Variants in RNF111 observed in about 807,000 individuals in gnomAD.
RNF111 encodes ring finger protein 111.
A neutral mutation model predicts 95.1 loss-of-function variants in RNF111; 17 were observed. That is an observed-to-expected ratio of 0.18 (90% CI 0.12 to 0.27). The LOEUF (loss-of-function observed/expected upper bound fraction) is 0.27, where lower values mean the gene tolerates loss of function less well. Among genes scored for constraint, RNF111 ranks in the 10% least tolerant of loss-of-function variants. The pLI, the probability that RNF111 is intolerant of heterozygous loss-of-function variation, is 1.00. For missense variants in RNF111, 1,189 were observed against 1,210.4 expected, an observed-to-expected ratio of 0.98 and a Z score of 0.26; for synonymous variants, 440 against 414.8, an observed-to-expected ratio of 1.06 and a Z score of -0.74.
At position 59,066,824 on chromosome 15, in the gene RNF111, G is replaced by A. The variant is rs983944709; in HGVS notation, c.1427G>A (p.Arg476Lys). The change falls in exon 6 of 14, where the codon AGG becomes AAG. Residue 476 changes from arginine to lysine, a missense_variant. Physicochemically the swap from Arg to Lys is conservative, Grantham distance 26. Coordinates refer to ENST00000348370, the MANE Select transcript of RNF111 (RefSeq NM_017610.8). Reference sequence around the variant, plus strand: ...GAAACTGGCCCTCCTGCAATGCCAAGGTTACCTTCCTGCTGTCCCCAGCAC... The same window carrying A: ...GAAACTGGCCCTCCTGCAATGCCAAAGTTACCTTCCTGCTGTCCCCAGCAC... Reference protein sequence around the residue: ...VTETGPPAMPRLPSCCPQHSP... With the variant: ...VTETGPPAMPKLPSCCPQHSP... The A allele has an allele frequency of 8.7e-6, 14 of 1,613,994 alleles. No individual in the cohort carries two copies. Among genetic ancestry groups the A allele is most frequent in the Non-Finnish European group, 1.2e-5 (14 of 1,179,986 alleles).
chr15:59,084,034 T>C (rs2078826087), intron 8 of RNF111, 95 bp from the exon 9 acceptor site: 2 of 1,015,816 alleles, frequency 2.0e-6, no homozygotes, highest in African/African-American at 3.4e-5. Context: ...TAGATGTTTA[T>C]AGTATTAATA....
In RNF111 at chr15:59,081,110, C is replaced by T. The variant is rs1213587886; in HGVS notation, c.2123C>T (p.Pro708Leu). The stretch of plus-strand genomic sequence containing the variant: ...GCAACATCTCATCCTGTGGCACCCC[C>T]ACCACCAACTCACTTAGCCAGTACA... Reference protein sequence around the residue: ...SHATSHPVAPPPPTHLASTAA... With the variant: ...SHATSHPVAPLPPTHLASTAA... Residue 708 changes from proline (P) to leucine (L), a missense_variant, in exon 8 of 14, where the codon CCA (proline) becomes CTA (leucine). By Grantham distance (98) the Pro-to-Leu change is moderately conservative. Coordinates refer to ENST00000348370, the MANE Select transcript of RNF111 (RefSeq NM_017610.8). 6.2e-7 allele frequency: 1 copy of T among 1,614,000 alleles called. No individual in the cohort carries two copies. Among genetic ancestry groups the T allele is most frequent in the Non-Finnish European group, 8.5e-7 (1 of 1,180,036 alleles).
intron 2 of RNF111, among the ~76,000 whole-genome samples, chr15:59,036,977 G>A (rs2041210024): frequency 6.6e-6 from 1 of 151,856 alleles, no homozygotes. Flanking sequence ...ACAGCAGCAG[G>A]TGTGTGCAAC....
intron 5 of RNF111, among the ~76,000 whole-genome samples, chr15:59,065,414 G>C (rs945110500): frequency 2.0e-5 from 3 of 152,190 alleles, no homozygotes; most frequent in Non-Finnish European, 4.4e-5. Flanking sequence ...ATGTGGCGGA[G>C]AGCATAATCA....
rs1454581847 is a variant in RNF111, at chr15:59,081,178, A to T, written c.2191A>T (p.Ile731Phe). The change falls in exon 8 of 14, where the codon ATT becomes TTT. Residue 731 changes from isoleucine to phenylalanine, a missense_variant. Physicochemically the swap from Ile to Phe is conservative, Grantham distance 21. Transcript: ENST00000348370. Reference protein sequence around the residue: ...PQHLPPTHQPISHHIPATAPP... With the variant: ...PQHLPPTHQPFSHHIPATAPP... The stretch of plus-strand genomic sequence containing the variant: ...GCATCTTCCTCCTACACACCAGCCA[A>T]TTTCGCACCATATTCCAGCCACAGC... The T allele has an allele frequency of 6.2e-7, 1 of 1,614,046 alleles. No homozygotes were observed. The highest frequency in any genetic ancestry group is 1.1e-5 in the South Asian group (1 of 91,070).
chr15:59,066,508 G>T (rs148663219), intron 5 of RNF111, among the ~76,000 whole-genome samples: 7,615 of 152,168 alleles, frequency 0.05, 256 homozygotes, highest in Non-Finnish European at 0.077. Context: ...TACTCAGGAG[G>T]CTGAGGGAGG....
rs556890907 is a variant in RNF111 at position 59,069,266 on chromosome 15, G to T, written c.1686+2183G>T. On this transcript the variant is annotated intron_variant, in intron 6 of 13. Coordinates refer to ENST00000348370, the MANE Select transcript of RNF111 (RefSeq NM_017610.8). ...CTTGGGAACGAGGGAGCATCAAGAAGAATTTTCCAGTGGATTGAATGAAAG... is the reference window on the plus strand; with the variant it reads ...CTTGGGAACGAGGGAGCATCAAGAATAATTTTCCAGTGGATTGAATGAAAG... Among the ~76,000 whole-genome samples the T allele has an allele frequency of 7.2e-5, 11 of 152,242 alleles. 1 individual carries two copies. In the South Asian group the frequency reaches 2.1e-3, roughly 29 times the overall value.
At chr15:59,038,970 G>A (rs2041315364) in intron 2 of RNF111, among the ~76,000 whole-genome samples, 1 of 151,782 alleles carries the variant, frequency 6.6e-6, no homozygotes, top group Admixed American at 6.6e-5. Context: ...GCAAAATATT[G>A]ATTTATTTTT....
At chr15:59,085,861 C>G (rs899407205) in intron 10 of RNF111, 76 bp downstream of exon 10, 2 of 1,210,220 alleles carry the variant, frequency 1.7e-6, no homozygotes, top group Non-Finnish European at 2.3e-6. Context: ...AAATACTTCA[C>G]TATATTAATA....
At chr15:59,071,026 G>A (rs1017229354) in intron 6 of RNF111, among the ~76,000 whole-genome samples, 50 of 152,084 alleles carry the variant, frequency 3.3e-4, no homozygotes, top group African/African-American at 9.4e-4. Context: ...GGCCGGGCGC[G>A]GTGGCTCACG....
intron 1 of RNF111, among the ~76,000 whole-genome samples, chr15:59,020,751 G>T (rs190987334): frequency 3.3e-5 from 5 of 152,088 alleles, no homozygotes; most frequent in Non-Finnish European, 7.4e-5. Flanking sequence ...AATTTAGGGG[G>T]CTGAAACATC....
At chr15:59,045,272 C>A (rs887550812) in intron 2 of RNF111, among the ~76,000 whole-genome samples, 9 of 151,256 alleles carry the variant, frequency 6.0e-5, no homozygotes, top group Non-Finnish European at 1.3e-4. Context: ...CTCACTGCAA[C>A]CTCTGCCTCC....
chr15:59,046,348 C>G (rs2041708821), intron 2 of RNF111, among the ~76,000 whole-genome samples: 1 of 152,024 alleles, frequency 6.6e-6, no homozygotes, highest in Non-Finnish European at 1.5e-5. Flanking sequence ...CACATGCCAC[C>G]ACACCTGGCT....
At chr15:59,030,391 G>A (rs2040844940) in intron 1 of RNF111, among the ~76,000 whole-genome samples, 1 of 152,162 alleles carries the variant, frequency 6.6e-6, no homozygotes. Context: ...ACTTAAAAAT[G>A]TCATACCAGG....
At chr15:59,091,988 G>C (rs753996618) in intron 12 of RNF111, among the ~76,000 whole-genome samples, 17 of 152,200 alleles carry the variant, frequency 1.1e-4, no homozygotes, top group Admixed American at 2.0e-4. Flanking sequence ...ACCTCCTGCT[G>C]TGCAGCCAGG....
intron 2 of RNF111, among the ~76,000 whole-genome samples, chr15:59,036,507 G>A (rs907269315): frequency 2.0e-5 from 3 of 152,144 alleles, no homozygotes; most frequent in Admixed American, 1.3e-4. Flanking sequence ...AAGGAACTTG[G>A]CATTTATAAA....
chr15:59,090,232 G>A (rs1596315055), intron 11 of RNF111, among the ~76,000 whole-genome samples: 1 of 150,692 alleles, frequency 6.6e-6, no homozygotes, highest in Non-Finnish European at 1.5e-5. Context: ...TTGTTTGTTT[G>A]TTGTTGTTGT....
intron 9 of RNF111, 47 bp from the exon 10 acceptor site, chr15:59,085,612 A>G: frequency 1.3e-6 from 2 of 1,539,838 alleles, no homozygotes; most frequent in South Asian, 1.3e-5. Flanking sequence ...TCTGTTGATA[A>G]AAAAGAGACC....
At chr15:59,091,656 A>T (rs1444127837) in intron 12 of RNF111, among the ~76,000 whole-genome samples, 3 of 152,158 alleles carry the variant, frequency 2.0e-5, no homozygotes, top group Admixed American at 6.5e-5. Context: ...CTTGTATAGC[A>T]TTATACAGTT....
Sources: allele counts gnomAD v4.1 joint callset (sites outside exome capture counted in the v4.1 genomes callset), GRCh38; gene constraint gnomAD v4.1.1; transcripts MANE v1.5; gene names NCBI Gene and HGNC (gene_info 2026-07-23, HGNC 2026-07-21).